The following WWOX variants were observed in gnomAD, a reference collection of about 807,000 sequenced individuals.
WWOX encodes the protein WW domain-containing oxidoreductase.
WWOX carries 69 observed loss-of-function variants against 46.2 expected under a neutral mutation model. The observed-to-expected ratio is 1.49, with a 90% CI of 1.23 to 1.82. The LOEUF is 1.82. Ranked by LOEUF, WWOX falls within the 40% of genes most tolerant of loss-of-function variation. The pLI is 0.00. For missense variants in WWOX, 919 were observed against 542.6 expected, an observed-to-expected ratio of 1.69 and a Z score of -6.89; for synonymous variants, 359 against 202.6, an observed-to-expected ratio of 1.77 and a Z score of -6.56.
At chr16:78,373,741 G>A (rs906362224) in intron 5 of WWOX, among the ~76,000 whole-genome samples, 6 of 151,336 alleles carry the variant, frequency 4.0e-5, no homozygotes, top group African/African-American at 1.5e-4. Flanking sequence ...GTATTTCATT[G>A]TGTTTTCTTC....
intron 8 of WWOX, among the ~76,000 whole-genome samples, chr16:78,791,021 A>AAG: frequency 6.7e-6 from 1 of 148,548 alleles, no homozygotes; most frequent in Non-Finnish European, 1.5e-5. Flanking sequence ...CCTGTCTCAA[A>AAG]AAAAAAAAAA....
At chr16:78,205,505 C>G (rs1157665638) in intron 5 of WWOX, among the ~76,000 whole-genome samples, 1 of 151,704 alleles carries the variant, frequency 6.6e-6, no homozygotes, top group Non-Finnish European at 1.5e-5. Flanking sequence ...CTAGTCATCC[C>G]CATCCATCCA....
At chr16:79,006,161 A>G (rs1287403310) in intron 8 of WWOX, among the ~76,000 whole-genome samples, 1 of 152,198 alleles carries the variant, frequency 6.6e-6, no homozygotes, top group Admixed American at 6.5e-5. Context: ...AGATTGAACT[A>G]CAGAAAGCAG....
intron 8 of WWOX, among the ~76,000 whole-genome samples, chr16:78,606,323 C>G (rs1407618261): frequency 6.6e-6 from 1 of 151,982 alleles, no homozygotes; most frequent in Non-Finnish European, 1.5e-5. Context: ...AATTGTTTCT[C>G]TTTTATAAGA....
intron 8 of WWOX, among the ~76,000 whole-genome samples, chr16:79,115,140 G>C (rs1483742229): frequency 6.6e-6 from 1 of 152,162 alleles, no homozygotes; most frequent in South Asian, 2.1e-4. Context: ...TAACTCCTTC[G>C]TGTTCCCCAT....
chr16:79,007,396 C>G (rs903804747), intron 8 of WWOX, among the ~76,000 whole-genome samples: 1 of 152,048 alleles, frequency 6.6e-6, no homozygotes, highest in Admixed American at 6.6e-5. Context: ...ACACAGTGGC[C>G]CTGAGACACT....
chr16:78,271,971 G>A (rs1432637449), intron 5 of WWOX, among the ~76,000 whole-genome samples: 4 of 152,156 alleles, frequency 2.6e-5, no homozygotes, highest in Non-Finnish European at 4.4e-5. Context: ...TCTAATCCAG[G>A]CTGCACACCT....
At chr16:79,042,941 A>G (rs2202422) in intron 8 of WWOX, among the ~76,000 whole-genome samples, 27,587 of 152,136 alleles carry the variant, frequency 0.18, 2,494 homozygotes, top group East Asian at 0.25. Flanking sequence ...GCAAATGCCT[A>G]TGGATGCCCT....
chr16:78,970,540 A>T (rs913862352), intron 8 of WWOX, among the ~76,000 whole-genome samples: 33 of 152,214 alleles, frequency 2.2e-4, no homozygotes, highest in Admixed American at 6.5e-5. Flanking sequence ...GCTTTGAACA[A>T]TGTATAGACC....
rs1162709227 is a variant in WWOX, at chr16:78,500,412, C to A, written c.1056+67660C>A. Among the ~76,000 whole-genome samples the A allele has an allele frequency of 8.0e-5, 12 of 149,568 alleles. No individual in the cohort carries two copies. The East Asian group carries it at 2.3e-3, about 29-fold the overall frequency. On this transcript the variant is annotated intron_variant, in intron 8 of 8. Transcript: ENST00000566780. ...TCCTTCCTCCTTTTCTTCTTTCCTT[C>A]CTTCCTTCCTTTTTCCCTTCATCTA...
chr16:78,577,400 C>T (rs753923338), intron 8 of WWOX, among the ~76,000 whole-genome samples: 21 of 152,156 alleles, frequency 1.4e-4, no homozygotes, highest in South Asian at 2.1e-4. Context: ...TAAATTCCAG[C>T]ACTGCGGCCA....
At chr16:78,728,942 G>T (rs771848936) in intron 8 of WWOX, among the ~76,000 whole-genome samples, 10 of 152,150 alleles carry the variant, frequency 6.6e-5, no homozygotes, top group Non-Finnish European at 8.8e-5. Flanking sequence ...AGAGATAGAG[G>T]ATTAGGATGG....
chr16:78,523,172 A>G (rs2043386556), intron 8 of WWOX, among the ~76,000 whole-genome samples: 1 of 152,254 alleles, frequency 6.6e-6, no homozygotes, highest in Non-Finnish European at 1.5e-5. Flanking sequence ...ACCTAAATTT[A>G]TCAAAGGTGG....
At chr16:78,386,722 G>C (rs867770209) in intron 5 of WWOX, 138 bp from the exon 6 acceptor site, 1 of 614,932 alleles carries the variant, frequency 1.6e-6, no homozygotes, top group Non-Finnish European at 2.7e-6. Flanking sequence ...CATTCATTCC[G>C]ATGATTTATA....
At chr16:78,248,473 A>G (rs1381557259) in intron 5 of WWOX, among the ~76,000 whole-genome samples, 1 of 152,062 alleles carries the variant, frequency 6.6e-6, no homozygotes, top group Admixed American at 6.6e-5. Context: ...GCGGTGGCAC[A>G]CTCTGTAATC....
chr16:78,969,828 G>T (rs6564629), intron 8 of WWOX, among the ~76,000 whole-genome samples: 9,369 of 152,216 alleles, frequency 0.062, 1,010 homozygotes, highest in African/African-American at 0.21. Flanking sequence ...TAGAGTGGTT[G>T]CCAGGGGCTG....
intron 8 of WWOX, among the ~76,000 whole-genome samples, chr16:78,776,311 G>T (rs988188430): frequency 6.6e-6 from 1 of 152,170 alleles, no homozygotes; most frequent in Non-Finnish European, 1.5e-5. Flanking sequence ...AGTAAGCACA[G>T]TGGCTGGGAT....
At chr16:78,715,891 G>C (rs565539023) in intron 8 of WWOX, among the ~76,000 whole-genome samples, 1 of 152,298 alleles carries the variant, frequency 6.6e-6, no homozygotes, top group African/African-American at 2.4e-5. Flanking sequence ...TGCAAGGAAT[G>C]CTGGGATACG....
chr16:78,760,308 C>G (rs918890299), intron 8 of WWOX, among the ~76,000 whole-genome samples: 4 of 152,184 alleles, frequency 2.6e-5, no homozygotes, highest in Non-Finnish European at 5.9e-5. Context: ...CCACCAGGGT[C>G]CCTCCCACAA....
Sources: allele counts gnomAD v4.1 joint callset (sites outside exome capture counted in the v4.1 genomes callset), GRCh38; gene constraint gnomAD v4.1.1; transcripts MANE v1.5; gene names NCBI Gene and HGNC (gene_info 2026-07-23, HGNC 2026-07-21).